PCNX1: variants seen among roughly 807,000 people sequenced by gnomAD.
The protein encoded by PCNX1 is pecanex-like protein 1.
A neutral mutation model predicts 242.2 loss-of-function variants in PCNX1; 78 were observed. The ratio of observed to expected loss-of-function variants is 0.32; its 90% CI spans 0.27 to 0.39. PCNX1 has a LOEUF of 0.39. PCNX1 is among the 10% of genes least tolerant of loss of function. The pLI is 1.00. For synonymous variants in PCNX1, 1,024 were observed against 1,032.9 expected, an observed-to-expected ratio of 0.99 and a Z score of 0.17; for missense variants, 2,581 against 2,856.5, an observed-to-expected ratio of 0.90 and a Z score of 2.20.
rs181436571 is a variant in PCNX1 at position 71,083,272 on chromosome 14, G to A, written c.5338-5058G>A. Among the ~76,000 whole-genome samples, 713 of 152,180 alleles carry A rather than the reference G, an allele frequency of 4.7e-3. 5 individuals carry two copies. The highest frequency in any genetic ancestry group is 6.5e-3 in the Non-Finnish European group (442 of 68,018). The stretch of plus-strand genomic sequence containing the variant: ...GTGGGTAATCCGACCTTTCTCTCTG[G>A]CTGCCCTTAACATTTTTTCCTTCAT... On this transcript the variant is annotated intron_variant, in intron 28 of 35. Coordinates refer to ENST00000304743, the MANE Select transcript of PCNX1 (RefSeq NM_014982.3).
chr14:71,087,107 G>A (rs567948527), intron 28 of PCNX1, among the ~76,000 whole-genome samples: 1 of 152,100 alleles, frequency 6.6e-6, no homozygotes, highest in Non-Finnish European at 1.5e-5. Context: ...TTTATCACCC[G>A]TTGTAACTAC....
chr14:71,002,617 T>C (rs752281717), intron 8 of PCNX1, among the ~76,000 whole-genome samples: 6 of 152,234 alleles, frequency 3.9e-5, no homozygotes, highest in Non-Finnish European at 7.3e-5. Flanking sequence ...TCATATAGTA[T>C]ACAGCCTTTT....
chr14:71,083,883 G>C (rs1046653846), intron 28 of PCNX1, among the ~76,000 whole-genome samples: 8 of 152,082 alleles, frequency 5.3e-5, no homozygotes, highest in Non-Finnish European at 1.2e-4. Flanking sequence ...ATCCAGTTTT[G>C]TTCCCTTGCT....
At chr14:71,006,116 TG>T (rs2059655964) in intron 8 of PCNX1, among the ~76,000 whole-genome samples, 1 of 22,160 alleles carries the variant, frequency 4.5e-5, no homozygotes, top group Non-Finnish European at 7.7e-5. Context: ...TGTGTGTGTG[TG>T]TGTGTGTGTG....
rs1210885507 is a variant in PCNX1 at position 71,048,083 on chromosome 14, T to G, written c.4338+99T>G. 3 of 785,098 alleles carry G rather than the reference T, an allele frequency of 3.8e-6. No homozygotes were observed. The African/African-American group carries it at 5.2e-5, about 14-fold the overall frequency. 48.6% of individuals were successfully genotyped at this position (785,098 alleles called of 1,614,324 possible). A position where few individuals can be genotyped will look rare whatever the true frequency, so the allele number is the denominator to read the frequency against. On this transcript the variant is annotated intron_variant, in intron 22 of 35. Coordinates refer to ENST00000304743, the MANE Select transcript of PCNX1 (RefSeq NM_014982.3). ...TCTTATATTTCATGTGATTTATTAT[T>G]GTTTAAGTAATAACTCTCTTCAACC...
Position 70,907,895 on chromosome 14 carries a change from C to A in PCNX1, c.45C>A (p.Ala15=). 6.4e-7 allele frequency: 1 copy of A among 1,570,184 alleles called. No homozygotes were observed. Among genetic ancestry groups the A allele is most frequent in the Non-Finnish European group, 8.6e-7 (1 of 1,161,758 alleles). Residue 15 remains alanine, a synonymous_variant, in exon 1 of 36, where the codon GCC becomes GCA. Transcript: ENST00000304743. ...AGATCCTCCGACAGGGGGTGTGGGC[C>A]GCGCTCAGCGGGGGCTGGTACTACG... is the stretch of plus-strand genomic sequence containing the variant. ...TLQILRQGVW[A]ALSGGWYYDP... is the part of the protein sequence containing the mutation.
chr14:71,101,716 G>GA, intron 30 of PCNX1, among the ~76,000 whole-genome samples: 1 of 152,124 alleles, frequency 6.6e-6, no homozygotes, highest in Middle Eastern at 3.4e-3. Context: ...ACTTGAAAGA[G>GA]AAAAACAAAA....
intron 30 of PCNX1, among the ~76,000 whole-genome samples, chr14:71,089,706 C>A (rs1235455003): frequency 6.6e-6 from 1 of 152,158 alleles, no homozygotes; most frequent in South Asian, 2.1e-4. Flanking sequence ...CACCAGTTCC[C>A]TTCCAGGACA....
Position 71,111,072 on chromosome 14 carries a change from T to A in PCNX1, c.*1137T>A, listed in dbSNP as rs1003510027. The A allele has an allele frequency of 1.3e-5, 2 of 152,646 alleles. No homozygotes were observed. Among genetic ancestry groups the A allele is most frequent in the African/African-American group, 4.8e-5 (2 of 41,472 alleles). 9.5% of individuals were successfully genotyped at this position (152,646 alleles called of 1,614,324 possible). A position where few individuals can be genotyped will look rare whatever the true frequency, so the allele number is the denominator to read the frequency against. ...ATAATTTTGCTTTTTATTTTTCCCC[T>A]CTTCTTTTTCTGTTACTTGAATTTT... On this transcript the variant is annotated 3_prime_UTR_variant, in exon 36 of 36. Transcript: ENST00000304743.
intron 1 of PCNX1, among the ~76,000 whole-genome samples, chr14:70,908,672 G>T (rs981746278): frequency 1.3e-5 from 2 of 152,170 alleles, no homozygotes; most frequent in African/African-American, 2.4e-5. Flanking sequence ...GTTCGGCCCC[G>T]TGGCCGGTGG....
intron 3 of PCNX1, among the ~76,000 whole-genome samples, chr14:70,964,915 A>C (rs1305347356): frequency 1.3e-5 from 2 of 152,120 alleles, no homozygotes; most frequent in African/African-American, 4.8e-5. Flanking sequence ...TTATTCTTAC[A>C]CTTTAGAGAA....
chr14:70,934,395 T>TA (rs35057502), intron 1 of PCNX1, among the ~76,000 whole-genome samples: 77,511 of 151,850 alleles, frequency 0.51, 20,450 homozygotes, highest in Non-Finnish European at 0.57. Context: ...CCATCTAGCT[T>TA]AAAAAAAATT....
In PCNX1 at chr14:70,968,218, T is replaced by C. The variant is rs1156366358; in HGVS notation, c.489T>C (p.Arg163=). 6.2e-7 allele frequency: 1 copy of C among 1,613,194 alleles called. No homozygotes were observed. Among genetic ancestry groups the C allele is most frequent in the African/African-American group, 1.3e-5 (1 of 74,898 alleles). The change falls in exon 4 of 36, where the codon CGT becomes CGC. Residue 163 remains arginine (R), a synonymous_variant. Coordinates refer to ENST00000304743, the MANE Select transcript of PCNX1 (RefSeq NM_014982.3). Reference sequence around the variant, plus strand: ...TTCAGATTGGATCTGGTTCCTCGCGTCTTGGAACAGCAGCAACTATTAAAG... The same window carrying C: ...TTCAGATTGGATCTGGTTCCTCGCGCCTTGGAACAGCAGCAACTATTAAAG... ...PSNQIGSGSS[R]LGTAATIKGD... is the part of the protein sequence containing the mutation.
chr14:71,056,741 C>T (rs2061192301), intron 25 of PCNX1, among the ~76,000 whole-genome samples: 2 of 151,728 alleles, frequency 1.3e-5, no homozygotes, highest in Admixed American at 6.6e-5. Context: ...TGCAGTGGCA[C>T]AGTCACAGCT....
At chr14:71,025,541 G>A (rs116759990) in intron 13 of PCNX1, among the ~76,000 whole-genome samples, 134 of 152,048 alleles carry the variant, frequency 8.8e-4, no homozygotes, top group African/African-American at 3.1e-3. Flanking sequence ...AAGCTAGGAA[G>A]TGTATGTATG....
At chr14:71,059,589 C>T (rs2061272641) in intron 26 of PCNX1, among the ~76,000 whole-genome samples, 1 of 152,092 alleles carries the variant, frequency 6.6e-6, no homozygotes, top group African/African-American at 2.4e-5. Flanking sequence ...ATAGGAGTCT[C>T]ACCACCTTGC....
intron 1 of PCNX1, among the ~76,000 whole-genome samples, chr14:70,909,830 CA>C (rs1185324054): frequency 6.6e-6 from 1 of 152,074 alleles, no homozygotes; most frequent in Non-Finnish European, 1.5e-5. Flanking sequence ...CCACTCTTCC[CA>C]AACCAGAAGG....
At chr14:70,986,601 T>C (rs575500702) in intron 6 of PCNX1, among the ~76,000 whole-genome samples, 1 of 152,280 alleles carries the variant, frequency 6.6e-6, no homozygotes, top group South Asian at 2.1e-4. Flanking sequence ...AAGAAAACCG[T>C]CTCATGTTTC....
chr14:70,909,217 A>G (rs2055715699), intron 1 of PCNX1, among the ~76,000 whole-genome samples: 1 of 152,094 alleles, frequency 6.6e-6, no homozygotes, highest in Non-Finnish European at 1.5e-5. Context: ...ATTCTCAAGC[A>G]GATTCACATT....
Sources: allele counts gnomAD v4.1 joint callset (sites outside exome capture counted in the v4.1 genomes callset), GRCh38; gene constraint gnomAD v4.1.1; transcripts MANE v1.5; gene names NCBI Gene and HGNC (gene_info 2026-07-23, HGNC 2026-07-21).